The following GLDC variants were observed in gnomAD, a reference collection of about 807,000 sequenced individuals.
The protein encoded by GLDC is glycine dehydrogenase (decarboxylating), mitochondrial.
A neutral mutation model predicts 121.3 loss-of-function variants in GLDC; 104 were observed. That is an observed-to-expected ratio of 0.86 (90% CI 0.73 to 1.01). GLDC has a LOEUF of 1.01. Among genes scored for constraint, GLDC ranks in the 50% least tolerant of loss-of-function variants. GLDC has a pLI of 0.00. For missense variants in GLDC, 1,429 were observed against 1,306.6 expected (o/e 1.09, Z -1.44); for synonymous variants, 546 against 480.6 (o/e 1.14, Z -1.78).
At chr9:6,621,984 A>G (rs1040814075) in intron 2 of GLDC, among the ~76,000 whole-genome samples, 3 of 152,080 alleles carry the variant, frequency 2.0e-5, no homozygotes, top group Non-Finnish European at 4.4e-5. Context: ...CTGGGAATTG[A>G]TTATTTTATT....
chr9:6,534,714 G>C lies in GLDC; in HGVS notation c.2913C>G (p.Phe971Leu). 6.3e-7 allele frequency: 1 copy of C among 1,575,262 alleles called. No homozygotes were observed. The highest frequency in any genetic ancestry group is 1.7e-5 in the Admixed American group (1 of 59,944). The change falls in exon 24 of 25, where the codon TTC (phenylalanine) becomes TTG (leucine). Residue 971 changes from phenylalanine to leucine, a missense_variant. Phe to Leu is a conservative substitution (Grantham distance 22). Transcript: ENST00000321612. ...TCAGATTCAGAGAACTTACGAGTGG[G>C]AATGCTGCCACCTCTCTGGAATAAG... ...DRPYSREVAA[F>L]PLPFVKPENK...
chr9:6,550,619 TC>T (rs1306271620), intron 21 of GLDC, among the ~76,000 whole-genome samples, 183 bp downstream of exon 21: 2 of 152,136 alleles, frequency 1.3e-5, no homozygotes, highest in African/African-American at 2.4e-5. Context: ...AGAGCAAGAC[TC>T]TATCTCAAAA....
At chr9:6,543,144 A>G (rs955626035) in intron 21 of GLDC, among the ~76,000 whole-genome samples, 2 of 151,616 alleles carry the variant, frequency 1.3e-5, no homozygotes, top group Non-Finnish European at 2.9e-5. Context: ...GGTGTGTGGC[A>G]GACATCTGTA....
At chr9:6,584,861 C>T (rs969631957) in intron 15 of GLDC, among the ~76,000 whole-genome samples, 3 of 152,148 alleles carry the variant, frequency 2.0e-5, no homozygotes, top group African/African-American at 7.2e-5. Context: ...GATCTCTTAC[C>T]CTCTGCAAGA....
intron 15 of GLDC, among the ~76,000 whole-genome samples, chr9:6,566,036 G>A (rs1817848979): frequency 6.6e-6 from 1 of 152,194 alleles, no homozygotes; most frequent in African/African-American, 2.4e-5. Flanking sequence ...GAGCTCAGAA[G>A]TTCAAGATCA....
chr9:6,629,958 T>TATGTGTGTATATATATATA, intron 2 of GLDC, among the ~76,000 whole-genome samples: 3 of 78,674 alleles, frequency 3.8e-5, no homozygotes, highest in African/African-American at 1.8e-4. Flanking sequence ...TATATATATA[T>TATGTGTGTATATATATATA]TTTTTTTTTT....
Position 6,592,910 on chromosome 9 carries a change from C to G in GLDC, c.1342G>C (p.Glu448Gln), listed in dbSNP as rs777365335. Reference sequence around the variant, plus strand: ...CGCTGAGCGGCCCTGCCCAAGACCTCCTTCACTGAGCAGCCACACTGAATC... The same window carrying G: ...CGCTGAGCGGCCCTGCCCAAGACCTGCTTCACTGAGCAGCCACACTGAATC... ...LKIQCGCSVK[E>Q]VLGRAAQRQI... Residue 448 changes from glutamate to glutamine, a missense_variant, in exon 10 of 25, where the codon GAG (glutamate) becomes CAG (glutamine). Physicochemically the swap from Glu to Gln is conservative, Grantham distance 29. Coordinates refer to ENST00000321612, the MANE Select transcript of GLDC (RefSeq NM_000170.3). 2.2e-5 allele frequency: 35 copies of G among 1,613,858 alleles called. No individual in the cohort carries two copies. Among genetic ancestry groups the G allele is most frequent in the Non-Finnish European group, 2.9e-5 (34 of 1,179,794 alleles).
intron 15 of GLDC, among the ~76,000 whole-genome samples, chr9:6,567,890 A>T (rs1161348760): frequency 6.6e-6 from 1 of 152,260 alleles, no homozygotes; most frequent in East Asian, 1.9e-4. Context: ...CAGGGAATAT[A>T]TAGAACAGTA....
Position 6,540,078 on chromosome 9 carries a change from C to G in GLDC, c.2638G>C (p.Asp880His). ...TAATCCTGGAGTCTCTTGGCCACATCCACAGCCTCAATATTTGCAGACTTT... is the reference window on the plus strand; with the variant it reads ...TAATCCTGGAGTCTCTTGGCCACATGCACAGCCTCAATATTTGCAGACTTT... ...FKKSANIEAV[D>H]VAKRLQDYGF... The change falls in exon 22 of 25, where the codon GAT (aspartate) becomes CAT (histidine). Residue 880 changes from aspartate to histidine, a missense_variant. Transcript: ENST00000321612. 6.2e-7 allele frequency: 1 copy of G among 1,612,706 alleles called. No homozygotes were observed.
intron 3 of GLDC, among the ~76,000 whole-genome samples, chr9:6,614,800 C>T (rs914199331): frequency 1.3e-5 from 2 of 152,144 alleles, no homozygotes; most frequent in African/African-American, 4.8e-5. Context: ...AGTGTACTTA[C>T]GTGTACTTAG....
In GLDC at chr9:6,606,642, A is replaced by C. The variant is rs2129903677; in HGVS notation, c.663T>G (p.Val221=). 6.2e-7 allele frequency: 1 copy of C among 1,608,640 alleles called. No homozygotes were observed. Among genetic ancestry groups the C allele is most frequent in the Admixed American group, 1.7e-5 (1 of 60,022 alleles). The change falls in exon 5 of 25, where the codon GTT becomes GTG. Residue 221 remains valine (V), a synonymous_variant. Coordinates refer to ENST00000321612, the MANE Select transcript of GLDC (RefSeq NM_000170.3). ...TTGTCTGTGGGTGGCAACGGGGATC[A>C]ACGAGAAATTTCCTCCTCTTGTTGT... ...YRHNKRRKFL[V]DPRCHPQTIA...
chr9:6,561,637 A>G (rs1213123909), intron 16 of GLDC, among the ~76,000 whole-genome samples: 1 of 138,106 alleles, frequency 7.2e-6, no homozygotes, highest in Non-Finnish European at 1.5e-5. Context: ...TGACAGAGTG[A>G]GAGTCTCTCT....
chr9:6,584,962 G>A (rs894950178), intron 15 of GLDC: 6 of 152,204 alleles, frequency 3.9e-5, no homozygotes, highest in Non-Finnish European at 5.9e-5. Context: ...GAAAAACAGC[G>A]GAGAAATGTC....
chr9:6,594,105 A>T (rs1818440686), intron 9 of GLDC, among the ~76,000 whole-genome samples: 1 of 152,038 alleles, frequency 6.6e-6, no homozygotes, highest in Admixed American at 6.6e-5. Flanking sequence ...CATTACATAC[A>T]CGAGTAACCA....
chr9:6,633,655 C>A (rs1275749760), intron 2 of GLDC, among the ~76,000 whole-genome samples: 2 of 152,086 alleles, frequency 1.3e-5, no homozygotes, highest in East Asian at 1.9e-4. Flanking sequence ...GGCACAGTGG[C>A]TCACAACTGT....
At chr9:6,588,860 C>T (rs1818321199) in intron 12 of GLDC, among the ~76,000 whole-genome samples, 158 bp from the exon 13 acceptor site, 1 of 152,114 alleles carries the variant, frequency 6.6e-6, no homozygotes, top group Admixed American at 6.5e-5. Flanking sequence ...AGGGCACAGA[C>T]CCCCACAAAC....
At chr9:6,594,962 A>C in intron 9 of GLDC, 52 bp downstream of exon 9, 1 of 1,120,790 alleles carries the variant, frequency 8.9e-7, no homozygotes, top group Non-Finnish European at 1.4e-6. Context: ...AATTTTACTC[A>C]AATTTATCAA....
At chr9:6,642,103 C>G (rs936647427) in intron 2 of GLDC, among the ~76,000 whole-genome samples, 7 of 152,278 alleles carry the variant, frequency 4.6e-5, no homozygotes, top group African/African-American at 1.7e-4. Context: ...CTCACTATTC[C>G]AAGAAACAAG....
Position 6,639,668 on chromosome 9 carries a change from AGT to A in GLDC, c.334+4944_334+4945del, listed in dbSNP as rs373393972. 2.1e-3 allele frequency: 524 copies of A among 250,398 alleles called. 8 individuals carry two copies. The highest frequency in any genetic ancestry group is 6.0e-3 in the Middle Eastern group (5 of 832). The allele number at this position is 250,398 out of a possible 1,614,324, so 15.5% of individuals were successfully genotyped here. A position where few individuals can be genotyped will look rare whatever the true frequency, so the allele number is the denominator to read the frequency against. ...ATATATCTTTTCACCATAAAAAAAA[AGT>A]ATATATATATATATATATGGACAAA... On this transcript the variant is annotated intron_variant, in intron 2 of 24. Transcript: ENST00000321612.
Sources: allele counts gnomAD v4.1 joint callset (sites outside exome capture counted in the v4.1 genomes callset), GRCh38; gene constraint gnomAD v4.1.1; transcripts MANE v1.5; gene names NCBI Gene and HGNC (gene_info 2026-07-23, HGNC 2026-07-21).